DOCK1: variants seen among roughly 807,000 people sequenced by gnomAD.
DOCK1 encodes dedicator of cytokinesis protein 1.
DOCK1 carries 138 observed loss-of-function variants against 262.7 expected under a neutral mutation model. The observed-to-expected ratio is 0.53, with a 90% confidence interval of 0.46 to 0.61. The LOEUF is 0.61. DOCK1 is among the 20% of genes least tolerant of loss of function. DOCK1 has a pLI of 0.00. For synonymous variants in DOCK1, 866 were observed against 867.4 expected (o/e 1.00, Z 0.03); for missense variants, 1,908 against 2,370.7 (o/e 0.80, Z 4.05).
Position 126,989,072 on chromosome 10 carries a change from C to CAAA in DOCK1, c.325-1369_325-1367dup, listed in dbSNP as rs5788816. The stretch of plus-strand genomic sequence containing the variant: ...TGAGTAACAGAGCGAGACCCCTTCT[C>CAAA]AAAAAAAAAAAAAAAATGCATTTTT... On this transcript the variant is annotated intron_variant, in intron 5 of 51. Transcript: ENST00000623213. Among the ~76,000 whole-genome samples, 1,098 of 129,026 alleles carry CAAA rather than the reference C, an allele frequency of 8.5e-3. 7 individuals carry two copies. The highest frequency in any genetic ancestry group is 0.033 in the Middle Eastern group (8 of 246). 84.6% of individuals were successfully genotyped at this position (129,026 alleles called of 152,430 possible).
intron 27 of DOCK1, among the ~76,000 whole-genome samples, chr10:127,167,272 A>G (rs2054163703): frequency 6.6e-6 from 1 of 152,186 alleles, no homozygotes; most frequent in Non-Finnish European, 1.5e-5. Flanking sequence ...GGGGTTTCGA[A>G]CTTGAATATT....
chr10:127,016,469 C>G (rs72832598), intron 12 of DOCK1: 12,639 of 152,294 alleles, frequency 0.083, 615 homozygotes, highest in East Asian at 0.21. Context: ...TCAGGGACAG[C>G]CGGAGGTGCC....
intron 27 of DOCK1, among the ~76,000 whole-genome samples, chr10:127,230,731 AT>A (rs2058809299): frequency 6.6e-6 from 1 of 151,540 alleles, no homozygotes; most frequent in South Asian, 2.1e-4. Flanking sequence ...TTTGCCCAAG[AT>A]TGCTTTAGCT....
chr10:127,198,331 T>C (rs1412524884), intron 27 of DOCK1, among the ~76,000 whole-genome samples: 1 of 152,246 alleles, frequency 6.6e-6, no homozygotes, highest in Non-Finnish European at 1.5e-5. Flanking sequence ...AATCTTACTT[T>C]ATTGGCAATC....
chr10:127,293,940 G>A (rs145537897), intron 29 of DOCK1, among the ~76,000 whole-genome samples: 2 of 152,152 alleles, frequency 1.3e-5, no homozygotes, highest in African/African-American at 2.4e-5. Context: ...CTGAGAACCC[G>A]CCTAGTCATC....
chr10:127,174,415 G>A (rs766259471), intron 27 of DOCK1, among the ~76,000 whole-genome samples: 2 of 152,188 alleles, frequency 1.3e-5, no homozygotes, highest in African/African-American at 2.4e-5. Flanking sequence ...GGAGGCTTCC[G>A]CACTGGGGAG....
intron 27 of DOCK1, among the ~76,000 whole-genome samples, chr10:127,195,660 C>A (rs1057046705): frequency 2.0e-5 from 3 of 152,120 alleles, no homozygotes; most frequent in Non-Finnish European, 4.4e-5. Flanking sequence ...GGCTGTCGGG[C>A]GCTCACGAAG....
intron 49 of DOCK1, among the ~76,000 whole-genome samples, chr10:127,441,506 T>A (rs1424051448): frequency 3.9e-5 from 6 of 152,302 alleles, no homozygotes; most frequent in African/African-American, 1.4e-4. Flanking sequence ...AACCTGTCTG[T>A]CTACGCAGAG....
At chr10:127,083,341 C>G (rs543341613) in intron 23 of DOCK1, among the ~76,000 whole-genome samples, 1 of 152,176 alleles carries the variant, frequency 6.6e-6, no homozygotes, top group Non-Finnish European at 1.5e-5. Context: ...CCAAGCTGGA[C>G]GAGCAGTCCT....
chr10:127,100,289 G>A lies in DOCK1; in HGVS notation c.2446-5942G>A, dbSNP rs549167459. ...GTGCGGCCCAGGTGCTGTTTGTTCC[G>A]GGGGGAGTTAACAGCCTGAACCGAG... On this transcript the variant is annotated intron_variant, in intron 23 of 51. Transcript: ENST00000623213. This position sits in a 1 kb window ranked among gnomAD's most constrained non-coding sequence, Gnocchi z 5.5. Among the ~76,000 whole-genome samples the A allele has an allele frequency of 1.3e-5, 2 of 152,228 alleles. No homozygotes were observed. The highest frequency in any genetic ancestry group is 2.4e-5 in the African/African-American group (1 of 41,540).
chr10:127,175,571 G>T lies in DOCK1; in HGVS notation c.2847+47807G>T, dbSNP rs1027675265. 1 of 1,611,910 alleles carries T rather than the reference G, an allele frequency of 6.2e-7. No homozygotes were observed. Among genetic ancestry groups the T allele is most frequent in the Non-Finnish European group, 8.5e-7 (1 of 1,179,916 alleles). On this transcript the variant is annotated intron_variant, in intron 27 of 51. Coordinates refer to ENST00000623213, the MANE Select transcript of DOCK1 (RefSeq NM_001290223.2). The surrounding 1 kb of genome is among the most constrained non-coding windows in gnomAD (Gnocchi z 6.3). The stretch of plus-strand genomic sequence containing the variant: ...CCGGGCAGAGTGACCACTGGCTGGC[G>T]GCTGCAGAGTCTGACAAACCAGGCT...
intron 22 of DOCK1, among the ~76,000 whole-genome samples, chr10:127,055,381 A>G (rs2045068895): frequency 6.6e-6 from 1 of 152,216 alleles, no homozygotes. Flanking sequence ...CAAAGGAGAA[A>G]CAGCTGTGCC....
At chr10:127,401,653 T>G (rs1218337981) in intron 38 of DOCK1, among the ~76,000 whole-genome samples, 1 of 152,172 alleles carries the variant, frequency 6.6e-6, no homozygotes, top group African/African-American at 2.4e-5. Context: ...GATCACCAGC[T>G]TGTGTTTCTA....
chr10:127,395,072 G>T (rs73386601), intron 38 of DOCK1, among the ~76,000 whole-genome samples: 1 of 152,184 alleles, frequency 6.6e-6, no homozygotes, highest in African/African-American at 2.4e-5. Flanking sequence ...TGAGAATAGC[G>T]CCAGAAGGGG....
chr10:127,373,760 G>A (rs368241191), intron 33 of DOCK1, 21 bp from the exon 34 acceptor site: 26 of 1,588,300 alleles, frequency 1.6e-5, no homozygotes, highest in African/African-American at 2.7e-5. Context: ...GATTATTTAC[G>A]CTTCCTCTGT....
At chr10:127,247,817 T>G (rs1590109055) in intron 27 of DOCK1, among the ~76,000 whole-genome samples, 191 bp from the exon 28 acceptor site, 1 of 152,112 alleles carries the variant, frequency 6.6e-6, no homozygotes, top group Admixed American at 6.6e-5. Flanking sequence ...CAAAAAACAT[T>G]CCTGAGGTTG....
chr10:127,277,624 G>A (rs925123822), intron 29 of DOCK1, among the ~76,000 whole-genome samples: 8 of 152,120 alleles, frequency 5.3e-5, no homozygotes, highest in Admixed American at 3.9e-4. Flanking sequence ...TTAGCTGGGT[G>A]TGGTGGCGGG....
intron 33 of DOCK1, among the ~76,000 whole-genome samples, chr10:127,372,193 C>T (rs1460535790): frequency 6.6e-6 from 1 of 152,200 alleles, no homozygotes; most frequent in Admixed American, 6.5e-5. Flanking sequence ...TTTGTTTCAT[C>T]TGTAGCTGTG....
At chr10:127,250,381 C>G (rs2498934) in intron 28 of DOCK1, among the ~76,000 whole-genome samples, 150,092 of 152,338 alleles carry the variant, frequency 0.99, 73,993 homozygotes, top group Middle Eastern at 1. Context: ...TCTTTGCTCA[C>G]ATCCCAGGAT....
Sources: allele counts gnomAD v4.1 joint callset (sites outside exome capture counted in the v4.1 genomes callset), GRCh38; gene constraint gnomAD v4.1.1; non-coding constraint Gnocchi (gnomAD v3.1); transcripts MANE v1.5; gene names NCBI Gene and HGNC (gene_info 2026-07-23, HGNC 2026-07-21).